Variants in ADAMTS2 observed in about 807,000 individuals in gnomAD.
ADAMTS2 encodes the protein A disintegrin and metalloproteinase with thrombospondin motifs 2.
In ADAMTS2, 50 loss-of-function variants were observed where a neutral mutation model predicts 123.0. The ratio of observed to expected loss-of-function variants is 0.41; its 90% CI spans 0.32 to 0.51. The LOEUF is 0.51. ADAMTS2 is among the 20% of genes least tolerant of loss of function. The pLI is 0.35. For synonymous variants in ADAMTS2, 678 were observed against 695.4 expected (o/e 0.98, Z 0.39); for missense variants, 1,494 against 1,705.2 (o/e 0.88, Z 2.18).
intron 3 of ADAMTS2, among the ~76,000 whole-genome samples, chr5:179,226,386 C>T (rs1765285928): frequency 6.6e-6 from 1 of 151,812 alleles, no homozygotes; most frequent in African/African-American, 2.4e-5. Flanking sequence ...CCTGCCTCAG[C>T]CTTCCAAGCA....
At chr5:179,321,289 A>G (rs1395439106) in intron 2 of ADAMTS2, among the ~76,000 whole-genome samples, 1 of 152,126 alleles carries the variant, frequency 6.6e-6, no homozygotes, top group Non-Finnish European at 1.5e-5. Flanking sequence ...CTGCACTCAC[A>G]TCTAAGACTG....
At chr5:179,167,009 G>C (rs944606615) in intron 5 of ADAMTS2, among the ~76,000 whole-genome samples, 1 of 152,234 alleles carries the variant, frequency 6.6e-6, no homozygotes, top group Non-Finnish European at 1.5e-5. Flanking sequence ...CGGCTGCGGG[G>C]ACGTTCTCGG....
chr5:179,301,113 G>A (rs1439847469), intron 2 of ADAMTS2, among the ~76,000 whole-genome samples: 1 of 151,680 alleles, frequency 6.6e-6, no homozygotes, highest in Non-Finnish European at 1.5e-5. Flanking sequence ...CTGTGATCTG[G>A]GCAAAGGTTC....
rs986109473 is a variant in ADAMTS2, at chr5:179,262,641, C to T, written c.688+10270G>A. The stretch of plus-strand genomic sequence containing the variant: ...TGCTGTTCCCTCTGCCTGGAACACC[C>T]TTCCCAGGGCTGGGCTTTCCCATCA... On this transcript the variant is annotated intron_variant, in intron 3 of 21. Coordinates refer to ENST00000251582, the MANE Select transcript of ADAMTS2 (RefSeq NM_014244.5). This position sits in a 1 kb window ranked among gnomAD's most constrained non-coding sequence, Gnocchi z 5.9. 6.6e-6 allele frequency among the ~76,000 whole-genome samples: 1 copy of T among 152,202 alleles called. No individual in the cohort carries two copies. The highest frequency in any genetic ancestry group is 2.4e-5 in the African/African-American group (1 of 41,446).
rs541557023 is a variant in ADAMTS2 at position 179,180,282 on chromosome 5, G to A, written c.975+790C>T. 1.3e-5 allele frequency among the ~76,000 whole-genome samples: 2 copies of A among 152,286 alleles called. No homozygotes were observed. Among genetic ancestry groups the A allele is most frequent in the South Asian group, 2.1e-4 (1 of 4,828 alleles). On this transcript the variant is annotated intron_variant, in intron 5 of 21. Coordinates refer to ENST00000251582, the MANE Select transcript of ADAMTS2 (RefSeq NM_014244.5). This position sits in a 1 kb window ranked among gnomAD's most constrained non-coding sequence, Gnocchi z 4.6. Reference sequence around the variant, plus strand: ...TGGCGGCTACACACCCATGCACACCGCCAGGAAAGGACGTCCCAGGTTTGG... The same window carrying A: ...TGGCGGCTACACACCCATGCACACCACCAGGAAAGGACGTCCCAGGTTTGG...
rs758041605 is a variant in ADAMTS2, at chr5:179,154,177, G to A, written c.1254C>T (p.His418=). Residue 418 remains histidine (H), a synonymous_variant, in exon 8 of 22, where the codon CAC becomes CAT. Coordinates refer to ENST00000251582, the MANE Select transcript of ADAMTS2 (RefSeq NM_014244.5). ...CGCCACAGCGGTTGCCCTGCCCGTC[G>A]TGCTCCATGCCCAGCCTGCGAGGGC... is the stretch of plus-strand genomic sequence containing the variant. ...HETGHVLGME[H]DGQGNRCGDE... The A allele has an allele frequency of 1.2e-5, 19 of 1,560,612 alleles. No homozygotes were observed. Among genetic ancestry groups the A allele is most frequent in the African/African-American group, 6.7e-5 (5 of 74,108 alleles).
At chr5:179,167,572 G>A (rs545113409) in intron 5 of ADAMTS2, among the ~76,000 whole-genome samples, 2 of 152,110 alleles carry the variant, frequency 1.3e-5, no homozygotes, top group East Asian at 3.9e-4. Flanking sequence ...GGCCGCCTCC[G>A]CTGGAACCGC....
intron 9 of ADAMTS2, 77 bp from the exon 10 acceptor site, chr5:179,152,332 C>T (rs1156403944): frequency 7.1e-7 from 1 of 1,400,720 alleles, no homozygotes; most frequent in East Asian, 2.4e-5. Context: ...CCCCCGGGTT[C>T]TGGAACCTGA....
intron 5 of ADAMTS2, among the ~76,000 whole-genome samples, chr5:179,164,560 C>T (rs915116749): frequency 2.6e-5 from 4 of 152,264 alleles, no homozygotes; most frequent in East Asian, 1.9e-4. Context: ...GGGAAGGGGA[C>T]GGCAAGTGCC....
chr5:179,223,932 A>G (rs916832100), intron 3 of ADAMTS2, among the ~76,000 whole-genome samples: 3 of 152,224 alleles, frequency 2.0e-5, no homozygotes, highest in Non-Finnish European at 4.4e-5. Context: ...GTCCCCAGGT[A>G]CCCACATGGG....
rs1177651956 is a variant in ADAMTS2, at chr5:179,170,955, A to C, written c.975+10117T>G. On this transcript the variant is annotated intron_variant, in intron 5 of 21. Transcript: ENST00000251582. The surrounding 1 kb of genome is among the most constrained non-coding windows in gnomAD (Gnocchi z 4.3). ...CCTCCCCCAGTGCTATGCAAAGTGA[A>C]GTCTGTGCCTGGTGGACACAAACTG... Among the ~76,000 whole-genome samples the C allele has an allele frequency of 3.3e-5, 5 of 152,208 alleles. No homozygotes were observed. Among genetic ancestry groups the C allele is most frequent in the Non-Finnish European group, 7.3e-5 (5 of 68,038 alleles).
chr5:179,149,702 G>A (rs184165934), intron 10 of ADAMTS2, among the ~76,000 whole-genome samples: 2 of 152,326 alleles, frequency 1.3e-5, no homozygotes, highest in South Asian at 2.1e-4. Flanking sequence ...TGATGCACAG[G>A]ACAGGGAAAC....
chr5:179,344,293 G>A, intron 1 of ADAMTS2, 132 bp from the exon 2 acceptor site: 1 of 1,234,812 alleles, frequency 8.1e-7, no homozygotes, highest in South Asian at 1.4e-5. Context: ...GGCGACCCCA[G>A]AAGCCAGCCT....
chr5:179,158,667 G>C lies in ADAMTS2; in HGVS notation c.1132+56C>G. 1 of 1,612,550 alleles carries C rather than the reference G, an allele frequency of 6.2e-7. No individual in the cohort carries two copies. Among genetic ancestry groups the C allele is most frequent in the Non-Finnish European group, 8.5e-7 (1 of 1,179,604 alleles). ...CAAGGCTCCCGGGGCCCCTTGCATGGCCAGGGGCTCATTTCCAGCTTCACG... is the reference window on the plus strand; with the variant it reads ...CAAGGCTCCCGGGGCCCCTTGCATGCCCAGGGGCTCATTTCCAGCTTCACG... On this transcript the variant is annotated intron_variant, in intron 6 of 21. Transcript: ENST00000251582. The surrounding 1 kb of genome is among the most constrained non-coding windows in gnomAD (Gnocchi z 5.0).
At chr5:179,310,622 G>A (rs1053216108) in intron 2 of ADAMTS2, among the ~76,000 whole-genome samples, 3 of 152,156 alleles carry the variant, frequency 2.0e-5, no homozygotes, top group Non-Finnish European at 2.9e-5. Context: ...AGCAGCCTGG[G>A]GGCCCCCGGG....
intron 4 of ADAMTS2, among the ~76,000 whole-genome samples, chr5:179,187,124 G>T (rs1387239625): frequency 6.6e-6 from 1 of 152,100 alleles, no homozygotes; most frequent in Non-Finnish European, 1.5e-5. Context: ...TTCAGGCCTG[G>T]AATCCTCACT....
At chr5:179,318,235 A>T (rs2113587640) in intron 2 of ADAMTS2, among the ~76,000 whole-genome samples, 1 of 152,342 alleles carries the variant, frequency 6.6e-6, no homozygotes, top group Non-Finnish European at 1.5e-5. Context: ...CCTTCCAATT[A>T]GTGAGGAATA....
chr5:179,193,877 CA>C (rs755534307), intron 4 of ADAMTS2, among the ~76,000 whole-genome samples: 1 of 152,142 alleles, frequency 6.6e-6, no homozygotes, highest in African/African-American at 2.4e-5. Context: ...AACTCAGCTC[CA>C]GGGGCAGCCT....
Position 179,127,947 on chromosome 5 carries a change from A to C in ADAMTS2, c.2617+12T>G. The C allele has an allele frequency of 2.5e-6, 4 of 1,613,320 alleles. No homozygotes were observed. Among genetic ancestry groups the C allele is most frequent in the Non-Finnish European group, 3.4e-6 (4 of 1,179,970 alleles). On this transcript the variant is annotated intron_variant, in intron 17 of 21. Transcript: ENST00000251582. The stretch of plus-strand genomic sequence containing the variant: ...CATGTCACCCAGGTCCCCAGCTTCG[A>C]GACCCCCTCACCTCCGCCACAGGGC...
Sources: allele counts gnomAD v4.1 joint callset (sites outside exome capture counted in the v4.1 genomes callset), GRCh38; gene constraint gnomAD v4.1.1; non-coding constraint Gnocchi (gnomAD v3.1); transcripts MANE v1.5; gene names NCBI Gene and HGNC (gene_info 2026-07-23, HGNC 2026-07-21).